The following RBFOX1 variants were observed in gnomAD, a reference collection of about 807,000 sequenced individuals.
The protein encoded by RBFOX1 is RNA binding protein fox-1 homolog 1.
RBFOX1 carries 8 observed loss-of-function variants against 57.7 expected under a neutral mutation model. That is an observed-to-expected ratio of 0.14 (90% confidence interval 0.08 to 0.25). The LOEUF (loss-of-function observed/expected upper bound fraction) is 0.25. Ranked by LOEUF, RBFOX1 falls within the 10% of genes least tolerant of loss-of-function variation. RBFOX1 has a pLI of 1.00. For synonymous variants in RBFOX1, 326 were observed against 222.4 expected (o/e 1.47, Z -4.15); for missense variants, 611 against 548.5 (o/e 1.11, Z -1.14).
intron 1 of RBFOX1, among the ~76,000 whole-genome samples, chr16:5,450,666 C>A (rs781692806): frequency 6.6e-6 from 1 of 152,100 alleles, no homozygotes; most frequent in Non-Finnish European, 1.5e-5. Flanking sequence ...TCTCTGAGGT[C>A]AGAGTCAGGG....
intron 4 of RBFOX1, among the ~76,000 whole-genome samples, chr16:5,888,531 C>T (rs150351882): frequency 4.6e-5 from 7 of 152,122 alleles, no homozygotes; most frequent in African/African-American, 1.7e-4. Flanking sequence ...CGCAGTGGCT[C>T]ACGCCTGTAA....
chr16:5,846,546 C>T (rs1350178532), intron 3 of RBFOX1, among the ~76,000 whole-genome samples: 1 of 152,158 alleles, frequency 6.6e-6, no homozygotes, highest in Admixed American at 6.5e-5. Flanking sequence ...GGAATGGAGG[C>T]TCAGGTGGGT....
chr16:6,748,862 G>C (rs1353391173), intron 3 of RBFOX1: 1 of 152,122 alleles, frequency 6.6e-6, no homozygotes, highest in South Asian at 2.1e-4. Flanking sequence ...CAATGAGCAA[G>C]ACTGATAAGG....
chr16:5,743,594 C>G (rs142985327), intron 3 of RBFOX1, among the ~76,000 whole-genome samples: 10 of 152,118 alleles, frequency 6.6e-5, no homozygotes, highest in Non-Finnish European at 1.2e-4. Context: ...AAGTAATTTT[C>G]CTGTTTGCTT....
chr16:6,512,781 G>A (rs2096280945), intron 2 of RBFOX1, among the ~76,000 whole-genome samples: 1 of 152,174 alleles, frequency 6.6e-6, no homozygotes, highest in Admixed American at 6.5e-5. Flanking sequence ...GCAAGAGGAT[G>A]GAGTAGTCTC....
intron 3 of RBFOX1, among the ~76,000 whole-genome samples, chr16:5,856,310 CAT>C (rs1245543149): frequency 7.5e-5 from 5 of 67,092 alleles, no homozygotes; most frequent in Non-Finnish European, 1.4e-4. Context: ...CACACACACA[CAT>C]ATATATAGGG....
At chr16:7,420,654 C>G (rs756733591) in intron 4 of RBFOX1, among the ~76,000 whole-genome samples, 1 of 151,248 alleles carries the variant, frequency 6.6e-6, no homozygotes, top group Admixed American at 6.6e-5. Flanking sequence ...TTCATGCTGC[C>G]AGGTTGAATG....
intron 1 of RBFOX1, among the ~76,000 whole-genome samples, chr16:5,426,034 C>T (rs571294961): frequency 8.5e-5 from 13 of 152,252 alleles, no homozygotes; most frequent in East Asian, 1.9e-4. Flanking sequence ...GGCATGGAAA[C>T]GGAACCCAAA....
At chr16:5,827,059 C>T (rs2056083706) in intron 3 of RBFOX1, among the ~76,000 whole-genome samples, 1 of 152,178 alleles carries the variant, frequency 6.6e-6, no homozygotes, top group Admixed American at 6.5e-5. Context: ...ATTCTTTCTC[C>T]TGTTGACCAA....
At chr16:6,275,664 T>C (rs944664730) in intron 1 of RBFOX1, among the ~76,000 whole-genome samples, 3 of 152,154 alleles carry the variant, frequency 2.0e-5, no homozygotes, top group Non-Finnish European at 4.4e-5. Context: ...TTATTTGATA[T>C]AATAATGGAA....
chr16:6,865,803 G>C (rs1331467916), intron 3 of RBFOX1, among the ~76,000 whole-genome samples: 1 of 152,100 alleles, frequency 6.6e-6, no homozygotes, highest in Non-Finnish European at 1.5e-5. Context: ...TTAGATAACA[G>C]TTGCACACGG....
At position 6,103,943 on chromosome 16, in the gene RBFOX1, C is replaced by T. The variant is rs112052404; in HGVS notation, c.-127+83951C>T. ...TTCTTTTGACTCTGGGCTATTACTTCGCCCTAGCCATTGGGGCTCAGCCTC... is the reference window on the plus strand; with the variant it reads ...TTCTTTTGACTCTGGGCTATTACTTTGCCCTAGCCATTGGGGCTCAGCCTC... On this transcript the variant is annotated intron_variant, in intron 1 of 15. Transcript: ENST00000550418. 2.2e-3 allele frequency among the ~76,000 whole-genome samples: 341 copies of T among 152,284 alleles called. 5 individuals are homozygous for T. The highest frequency in any genetic ancestry group is 7.2e-3 in the African/African-American group (299 of 41,552).
intron 1 of RBFOX1, among the ~76,000 whole-genome samples, chr16:5,271,188 A>C (rs371720550): frequency 7.7e-6 from 1 of 129,376 alleles, no homozygotes; most frequent in African/African-American, 2.8e-5. Context: ...CTCCAAAAAG[A>C]AAAAAGAAAA....
intron 3 of RBFOX1, among the ~76,000 whole-genome samples, chr16:6,802,765 A>T (rs2085794350): frequency 6.6e-6 from 1 of 152,204 alleles, no homozygotes; most frequent in Non-Finnish European, 1.5e-5. Context: ...TTGTTGTAAG[A>T]ATCTGATTGT....
At chr16:6,606,414 T>C (rs535791699) in intron 2 of RBFOX1, among the ~76,000 whole-genome samples, 1 of 152,304 alleles carries the variant, frequency 6.6e-6, no homozygotes, top group East Asian at 1.9e-4. Context: ...TGCAGATTTG[T>C]TACACAGGTA....
intron 1 of RBFOX1, among the ~76,000 whole-genome samples, chr16:5,323,345 C>T (rs1375131958): frequency 6.6e-6 from 1 of 152,192 alleles, no homozygotes; most frequent in East Asian, 1.9e-4. Context: ...AAAAGCATGG[C>T]TGGTCATGAT....
chr16:5,901,817 C>G (rs1401293421), intron 4 of RBFOX1, among the ~76,000 whole-genome samples: 5 of 152,170 alleles, frequency 3.3e-5, no homozygotes, highest in Admixed American at 6.5e-5. Context: ...TCAGGATTTC[C>G]ACCTAATGCT....
intron 2 of RBFOX1, among the ~76,000 whole-genome samples, chr16:6,598,035 T>A (rs980662095): frequency 1.3e-5 from 2 of 152,202 alleles, no homozygotes; most frequent in Middle Eastern, 3.2e-3. Flanking sequence ...CAAAATGATA[T>A]CTTTATGGTT....
At chr16:5,789,059 G>C (rs1414818734) in intron 3 of RBFOX1, among the ~76,000 whole-genome samples, 2 of 152,108 alleles carry the variant, frequency 1.3e-5, no homozygotes, top group African/African-American at 2.4e-5. Flanking sequence ...ATGTCCTGGA[G>C]TCCTTGTGCA....
Sources: allele counts gnomAD v4.1 joint callset (sites outside exome capture counted in the v4.1 genomes callset), GRCh38; gene constraint gnomAD v4.1.1; transcripts MANE v1.5; gene names NCBI Gene and HGNC (gene_info 2026-07-23, HGNC 2026-07-21).